Variants in PTPRT observed in about 807,000 individuals in gnomAD.
The protein encoded by PTPRT is protein tyrosine phosphatase receptor type T, also known as receptor-type tyrosine-protein phosphatase T.
PTPRT carries 56 observed loss-of-function variants against 176.8 expected under a neutral mutation model. That is an observed-to-expected ratio of 0.32 (90% CI 0.26 to 0.40). The LOEUF is 0.40. Ranked by LOEUF, PTPRT falls within the 10% of genes least tolerant of loss-of-function variation. The pLI is 1.00. For missense variants in PTPRT, 1,540 were observed against 1,908.2 expected, an observed-to-expected ratio of 0.81 and a Z score of 3.60; for synonymous variants, 783 against 739.0, an observed-to-expected ratio of 1.06 and a Z score of -0.96.
chr20:42,056,372 C>T, the PTPRT span, among the ~76,000 whole-genome samples: 1 of 152,108 alleles, frequency 6.6e-6, no homozygotes, highest in South Asian at 2.1e-4. Flanking sequence ...AAAATATGCA[C>T]CAAATATGCT....
intron 7 of PTPRT, among the ~76,000 whole-genome samples, chr20:42,609,084 T>C (rs2145816914): frequency 6.6e-6 from 1 of 152,268 alleles, no homozygotes; most frequent in Non-Finnish European, 1.5e-5. Flanking sequence ...TTTTTTCTTT[T>C]CATTTTTGAG....
intron 7 of PTPRT, among the ~76,000 whole-genome samples, chr20:42,504,642 G>A (rs950431163): frequency 1.3e-5 from 2 of 151,910 alleles, no homozygotes; most frequent in African/African-American, 4.8e-5. Flanking sequence ...TACATTTTAT[G>A]TATGTGTCTT....
chr20:42,373,411 G>A (rs199770617), intron 9 of PTPRT, among the ~76,000 whole-genome samples: 1 of 152,136 alleles, frequency 6.6e-6, no homozygotes, highest in Non-Finnish European at 1.5e-5. Flanking sequence ...TAAATATTTA[G>A]ATTTTTTATT....
At chr20:43,186,289 C>T (rs1172096113) in intron 1 of PTPRT, among the ~76,000 whole-genome samples, 1 of 152,208 alleles carries the variant, frequency 6.6e-6, no homozygotes, top group African/African-American at 2.4e-5. Context: ...GATGCCAAAG[C>T]TCATACTCTT....
At chr20:42,186,489 G>T (rs1168237212) in intron 16 of PTPRT, among the ~76,000 whole-genome samples, 1 of 151,684 alleles carries the variant, frequency 6.6e-6, no homozygotes. Context: ...GTGGTAGAAG[G>T]AGTGTGACAA....
In PTPRT at chr20:42,575,125, C is replaced by T. The variant is rs185838737; in HGVS notation, c.1154-102563G>A. On this transcript the variant is annotated intron_variant, in intron 7 of 30. Coordinates refer to ENST00000373187, the MANE Select transcript of PTPRT (RefSeq NM_007050.6). ...GACTGGTGCAAAGCTGATAAAATGA[C>T]TGCATCCGGTTCTGGAGTCCCAGAT... is the stretch of plus-strand genomic sequence containing the variant. Among the ~76,000 whole-genome samples, 35 of 152,252 alleles carry T rather than the reference C, an allele frequency of 2.3e-4. No individual in the cohort carries two copies. In the East Asian group the frequency reaches 6.4e-3, roughly 28 times the overall value.
chr20:42,311,879 C>T (rs1270762521), intron 12 of PTPRT, among the ~76,000 whole-genome samples: 1 of 152,110 alleles, frequency 6.6e-6, no homozygotes, highest in East Asian at 1.9e-4. Context: ...TTAGTATTCT[C>T]AGTATCAGAA....
intron 2 of PTPRT, among the ~76,000 whole-genome samples, chr20:42,820,950 G>C (rs547378728): frequency 3.9e-5 from 6 of 152,056 alleles, no homozygotes; most frequent in Non-Finnish European, 8.8e-5. Flanking sequence ...AGGCTCAGGA[G>C]TAGACAGATT....
At chr20:42,862,033 TACACACGCAC>T (rs1234993902) in intron 2 of PTPRT, among the ~76,000 whole-genome samples, 4 of 152,154 alleles carry the variant, frequency 2.6e-5, no homozygotes, top group Non-Finnish European at 5.9e-5. Context: ...CAAAAGGTTA[TACACACGCAC>T]ACACACACAC....
intron 2 of PTPRT, among the ~76,000 whole-genome samples, chr20:42,871,841 T>A (rs2078851562): frequency 6.6e-6 from 1 of 152,214 alleles, no homozygotes; most frequent in African/African-American, 2.4e-5. Context: ...CCTTCCTGAT[T>A]GAAATACCTA....
intron 2 of PTPRT, among the ~76,000 whole-genome samples, chr20:42,838,540 G>C (rs1040498816): frequency 2.6e-5 from 4 of 152,140 alleles, no homozygotes; most frequent in Admixed American, 2.0e-4. Context: ...TATTGTATGG[G>C]CTTCTGACCA....
chr20:43,026,347 A>G (rs906394828), intron 1 of PTPRT, among the ~76,000 whole-genome samples: 2 of 152,192 alleles, frequency 1.3e-5, no homozygotes, highest in Admixed American at 1.3e-4. Flanking sequence ...CAAACTCCTG[A>G]CCTCGTTGTC....
At chr20:43,087,704 T>A (rs2011654758) in intron 1 of PTPRT, among the ~76,000 whole-genome samples, 1 of 152,082 alleles carries the variant, frequency 6.6e-6, no homozygotes, top group South Asian at 2.1e-4. Context: ...ACTCAATACC[T>A]TCTTCATATA....
intron 16 of PTPRT, among the ~76,000 whole-genome samples, chr20:42,163,837 T>A (rs935026706): frequency 6.6e-6 from 1 of 152,266 alleles, no homozygotes; most frequent in Non-Finnish European, 1.5e-5. Flanking sequence ...GTGAACCTGC[T>A]GAAGGGTTTT....
At chr20:42,791,602 AC>A in intron 2 of PTPRT, 136 bp from the exon 3 acceptor site, 2 of 958,546 alleles carry the variant, frequency 2.1e-6, no homozygotes, top group Non-Finnish European at 1.5e-6. Flanking sequence ...GGTCTGGGTG[AC>A]CCTGCAAAAG....
intron 6 of PTPRT, among the ~76,000 whole-genome samples, chr20:42,694,918 T>C (rs530848107): frequency 1.3e-5 from 2 of 152,286 alleles, no homozygotes; most frequent in South Asian, 4.1e-4. Flanking sequence ...TAGGATAGGA[T>C]CTGCTTCCAA....
At chr20:42,802,154 T>G (rs763176766) in intron 2 of PTPRT, among the ~76,000 whole-genome samples, 6 of 152,196 alleles carry the variant, frequency 3.9e-5, no homozygotes, top group Non-Finnish European at 7.3e-5. Context: ...AGTCCAAGAA[T>G]CTGCACTTCT....
At chr20:42,873,656 TTAA>T (rs1025822531) in intron 2 of PTPRT, among the ~76,000 whole-genome samples, 34 of 152,214 alleles carry the variant, frequency 2.2e-4, no homozygotes, top group African/African-American at 7.7e-4. Context: ...ATAAACATTA[TTAA>T]TAAGATGTTT....
At chr20:42,082,621 A>G (rs1568907703) in intron 29 of PTPRT, among the ~76,000 whole-genome samples, 1 of 152,204 alleles carries the variant, frequency 6.6e-6, no homozygotes, top group African/African-American at 2.4e-5. Context: ...TTAAAATGAC[A>G]GGTCTCTACT....
Sources: allele counts gnomAD v4.1 joint callset (sites outside exome capture counted in the v4.1 genomes callset), GRCh38; gene constraint gnomAD v4.1.1; transcripts MANE v1.5; gene names NCBI Gene and HGNC (gene_info 2026-07-23, HGNC 2026-07-21).